GRM7: variants seen among roughly 807,000 people sequenced by gnomAD.
The protein encoded by GRM7 is metabotropic glutamate receptor 7.
GRM7 carries 35 observed loss-of-function variants against 84.5 expected under a neutral mutation model. The ratio of observed to expected loss-of-function variants is 0.41; its 90% CI spans 0.32 to 0.55. The LOEUF (loss-of-function observed/expected upper bound fraction) is 0.55, where lower values mean the gene tolerates loss of function less well. Among genes scored for constraint, GRM7 ranks in the 20% least tolerant of loss-of-function variants. The pLI is 0.19. For missense variants in GRM7, 1,003 were observed against 1,194.6 expected (o/e 0.84, Z 2.36); for synonymous variants, 487 against 455.1 (o/e 1.07, Z -0.89).
chr3:7,237,501 T>A (rs1320471357), intron 2 of GRM7, among the ~76,000 whole-genome samples: 1 of 152,056 alleles, frequency 6.6e-6, no homozygotes, highest in African/African-American at 2.4e-5. Flanking sequence ...ACGCTCGTGG[T>A]GAGTGTTACA....
At chr3:7,307,781 T>G (rs1250565370) in intron 4 of GRM7, among the ~76,000 whole-genome samples, 1 of 152,140 alleles carries the variant, frequency 6.6e-6, no homozygotes, top group Non-Finnish European at 1.5e-5. Context: ...TCTCCATTCC[T>G]TGCACTGGAA....
chr3:7,172,165 CAA>C (rs1695004734), intron 2 of GRM7, among the ~76,000 whole-genome samples: 1 of 151,968 alleles, frequency 6.6e-6, no homozygotes, highest in Admixed American at 6.6e-5. Flanking sequence ...AAGGATTTGC[CAA>C]AAGACTATAT....
intron 9 of GRM7, among the ~76,000 whole-genome samples, chr3:7,732,121 C>A (rs908334246): frequency 1.3e-5 from 2 of 152,120 alleles, no homozygotes; most frequent in Non-Finnish European, 2.9e-5. Context: ...TCTTGGCTCA[C>A]TGCAAGCTCC....
chr3:7,187,751 A>G (rs570851675), intron 2 of GRM7, among the ~76,000 whole-genome samples: 1 of 152,296 alleles, frequency 6.6e-6, no homozygotes, highest in East Asian at 1.9e-4. Flanking sequence ...GGTCATTGAC[A>G]TGGAAAAGGG....
intron 1 of GRM7, among the ~76,000 whole-genome samples, chr3:7,025,053 A>C (rs1695928800): frequency 6.6e-6 from 1 of 152,166 alleles, no homozygotes; most frequent in Admixed American, 6.5e-5. Flanking sequence ...AGACTGCTCC[A>C]TTCCTTAGCT....
chr3:7,232,291 T>C (rs1697218716), intron 2 of GRM7, among the ~76,000 whole-genome samples: 1 of 152,112 alleles, frequency 6.6e-6, no homozygotes, highest in Non-Finnish European at 1.5e-5. Context: ...GGTTCTATGT[T>C]GAATCAAAAT....
chr3:7,244,141 C>G (rs1697666548), intron 2 of GRM7, among the ~76,000 whole-genome samples: 2 of 151,990 alleles, frequency 1.3e-5, no homozygotes, highest in African/African-American at 4.8e-5. Context: ...ATTATGTTTT[C>G]TTCACTAATA....
At chr3:7,296,858 C>T (rs191884736) in intron 2 of GRM7, among the ~76,000 whole-genome samples, 60 of 150,814 alleles carry the variant, frequency 4.0e-4, no homozygotes, top group Non-Finnish European at 6.9e-4. Flanking sequence ...TATGTTGCCC[C>T]GACTGGTCTC....
At chr3:7,599,891 G>T (rs957193605) in intron 8 of GRM7, among the ~76,000 whole-genome samples, 1 of 152,030 alleles carries the variant, frequency 6.6e-6, no homozygotes, top group Non-Finnish European at 1.5e-5. Flanking sequence ...GAGGACATAG[G>T]CTATTGAGGC....
intron 4 of GRM7, among the ~76,000 whole-genome samples, chr3:7,391,064 G>C (rs968730476): frequency 1.3e-5 from 2 of 151,586 alleles, no homozygotes; most frequent in Admixed American, 6.6e-5. Context: ...TCCCTTGGAG[G>C]TATGATTGTG....
At chr3:7,532,373 A>G (rs1701072060) in intron 7 of GRM7, among the ~76,000 whole-genome samples, 1 of 152,090 alleles carries the variant, frequency 6.6e-6, no homozygotes, top group Admixed American at 6.5e-5. Flanking sequence ...CCAGGAATTT[A>G]TCCATTTCTT....
At chr3:7,251,651 T>C (rs1401674808) in intron 2 of GRM7, among the ~76,000 whole-genome samples, 1 of 152,172 alleles carries the variant, frequency 6.6e-6, no homozygotes, top group African/African-American at 2.4e-5. Flanking sequence ...ATGGTTCAGA[T>C]GGTGGCAGTG....
intron 1 of GRM7, among the ~76,000 whole-genome samples, chr3:6,921,813 TTC>T (rs1015787290): frequency 1.1e-4 from 16 of 151,950 alleles, no homozygotes; most frequent in African/African-American, 3.9e-4. Flanking sequence ...TCAGAATGGC[TTC>T]TCTCTCTCTC....
intron 8 of GRM7, among the ~76,000 whole-genome samples, chr3:7,615,588 T>A (rs934488080): frequency 1.3e-5 from 2 of 152,170 alleles, no homozygotes; most frequent in African/African-American, 4.8e-5. Flanking sequence ...GACTTCTGCT[T>A]CTGAGTAAGG....
intron 5 of GRM7, among the ~76,000 whole-genome samples, chr3:7,452,297 C>T (rs944304653): frequency 1.3e-5 from 2 of 152,156 alleles, no homozygotes; most frequent in South Asian, 4.1e-4. Context: ...TTTTCAGGTT[C>T]GAATGTGGCA....
intron 1 of GRM7, among the ~76,000 whole-genome samples, chr3:7,082,334 A>C (rs1698301090): frequency 6.6e-6 from 1 of 152,122 alleles, no homozygotes. Context: ...TCTAGAAATA[A>C]AACAACAAAA....
intron 7 of GRM7, among the ~76,000 whole-genome samples, chr3:7,544,885 T>C (rs548677690): frequency 1.3e-5 from 2 of 152,342 alleles, no homozygotes; most frequent in South Asian, 2.1e-4. Context: ...GCATTGTAAG[T>C]TCTAAAAATT....
chr3:6,965,692 A>G lies in GRM7; in HGVS notation c.519+103785A>G, dbSNP rs1693487799. ...CCTGCACCTGATAGGTCAGGTAGACAATGTAACATTTATTTTAAAATTAAA... is the reference window on the plus strand; with the variant it reads ...CCTGCACCTGATAGGTCAGGTAGACGATGTAACATTTATTTTAAAATTAAA... On this transcript the variant is annotated intron_variant, in intron 1 of 9. Coordinates refer to ENST00000357716, the MANE Select transcript of GRM7 (RefSeq NM_000844.4). Among the ~76,000 whole-genome samples the G allele has an allele frequency of 2.0e-5, 3 of 152,080 alleles. 1 individual carries two copies. Among genetic ancestry groups the G allele is most frequent in the African/African-American group, 7.2e-5 (3 of 41,408 alleles).
In GRM7 at chr3:7,403,660, C is replaced by T. The variant is rs990328068; in HGVS notation, c.1034-11363C>T. Among the ~76,000 whole-genome samples the T allele has an allele frequency of 3.3e-5, 4 of 120,858 alleles. No homozygotes were observed. In the South Asian group the frequency reaches 7.5e-4, roughly 23 times the overall value. The allele number at this position is 120,858 out of a possible 152,430, so 79.3% of individuals were successfully genotyped here. Reference sequence around the variant, plus strand: ...ATATATATATATATATGTACATACACACACATTTTTACATATATATACACA... The same window carrying T: ...ATATATATATATATATGTACATACATACACATTTTTACATATATATACACA... On this transcript the variant is annotated intron_variant, in intron 4 of 9. Transcript: ENST00000357716.
Sources: gnomAD v4.1 joint callset for allele counts (sites outside exome capture counted in the v4.1 genomes callset) on GRCh38, gnomAD v4.1.1 for gene constraint, MANE v1.5 for transcripts, NCBI Gene and HGNC (gene_info 2026-07-23, HGNC 2026-07-21) for gene names.